The following MARCHF1 variants were observed in gnomAD, a reference collection of about 807,000 sequenced individuals.
The protein encoded by MARCHF1 is membrane associated ring-CH-type finger 1.
In MARCHF1, 40 loss-of-function variants were observed where a neutral mutation model predicts 54.2. That is an observed-to-expected ratio of 0.74 (90% CI 0.57 to 0.96). The LOEUF is 0.96. Among genes scored for constraint, MARCHF1 ranks in the 40% least tolerant of loss-of-function variants. MARCHF1 has a pLI of 0.00. For missense variants in MARCHF1, 586 were observed against 656.5 expected (o/e 0.89, Z 1.17); for synonymous variants, 236 against 236.3 (o/e 1.00, Z 0.01).
At chr4:163,635,845 A>G (rs914656527) in intron 5 of MARCHF1, among the ~76,000 whole-genome samples, 5 of 152,230 alleles carry the variant, frequency 3.3e-5, no homozygotes, top group Non-Finnish European at 5.9e-5. Context: ...AAAATCCTCA[A>G]TAAAATACTG....
intron 4 of MARCHF1, among the ~76,000 whole-genome samples, chr4:163,708,974 A>G (rs111287460): frequency 1.3e-3 from 204 of 152,270 alleles, no homozygotes; most frequent in African/African-American, 4.7e-3. Flanking sequence ...TTCATGATAT[A>G]TTGTTAAGGT....
intron 4 of MARCHF1, among the ~76,000 whole-genome samples, chr4:163,759,142 G>T (rs927116187): frequency 6.7e-6 from 1 of 150,036 alleles, no homozygotes; most frequent in Non-Finnish European, 1.5e-5. Context: ...AATTATTCAT[G>T]CTGGTTTCTT....
At chr4:164,278,265 G>A (rs192940846) in intron 1 of MARCHF1, among the ~76,000 whole-genome samples, 13 of 152,228 alleles carry the variant, frequency 8.5e-5, no homozygotes, top group Admixed American at 7.2e-4. Context: ...AGCTGTGATC[G>A]CACCACTGCA....
Position 163,585,875 on chromosome 4 carries a change from G to A in MARCHF1, c.1065C>T (p.Cys355=). The change falls in exon 8 of 10, where the codon TGC becomes TGT. Residue 355 remains cysteine, a synonymous_variant. Transcript: ENST00000514618. ...EESPLITPCR[C]TGTLRFVHQS... ...GGTGGACAAAGCGCAGTGTCCCAGT[G>A]CAGCGACAGGGTGTGATGAGGGGGC... The A allele has an allele frequency of 6.2e-7, 1 of 1,613,834 alleles. No homozygotes were observed. The highest frequency in any genetic ancestry group is 8.5e-7 in the Non-Finnish European group (1 of 1,179,892).
At chr4:163,932,902 T>G (rs1751710604) in intron 3 of MARCHF1, 1 of 637,532 alleles carries the variant, frequency 1.6e-6, no homozygotes, top group Non-Finnish European at 3.0e-6. Context: ...TTCCAGTACT[T>G]TGCTGAAGCT....
rs961835049 is a variant in MARCHF1 at position 163,649,377 on chromosome 4, A to G, written c.163-35984T>C. Among the ~76,000 whole-genome samples the G allele has an allele frequency of 2.0e-5, 3 of 152,116 alleles. 1 individual carries two copies. In the South Asian group the frequency reaches 6.2e-4, roughly 31 times the overall value. ...ATGAAAGAGCAATTCATAGGCAGAG[A>G]GTTGTAAATCGAAACACATTGTACA... is the stretch of plus-strand genomic sequence containing the variant. On this transcript the variant is annotated intron_variant, in intron 5 of 9. Coordinates refer to ENST00000514618, the MANE Select transcript of MARCHF1 (RefSeq NM_001394959.1).
chr4:163,528,553 C>T lies in MARCHF1; in HGVS notation c.*195G>A, dbSNP rs1738223197. On this transcript the variant is annotated 3_prime_UTR_variant, in exon 10 of 10. Coordinates refer to ENST00000514618, the MANE Select transcript of MARCHF1 (RefSeq NM_001394959.1). ...TTTCCATATCATACTTTACTTTACGCTATTACTTCATGGGCTCCTGGGCAT... is the reference window on the plus strand; with the variant it reads ...TTTCCATATCATACTTTACTTTACGTTATTACTTCATGGGCTCCTGGGCAT... 7.0e-6 allele frequency: 4 copies of T among 571,748 alleles called. No individual in the cohort carries two copies. In the Admixed American group the frequency reaches 9.7e-5, roughly 14 times the overall value. 35.4% of individuals were successfully genotyped at this position (571,748 alleles called of 1,614,324 possible).
At chr4:163,537,747 A>G (rs1040347051) in intron 9 of MARCHF1, among the ~76,000 whole-genome samples, 2 of 152,226 alleles carry the variant, frequency 1.3e-5, no homozygotes, top group African/African-American at 2.4e-5. Context: ...ATAGAAAGCT[A>G]CTGTAGTCTC....
At chr4:163,781,814 A>G (rs952913881) in intron 4 of MARCHF1, among the ~76,000 whole-genome samples, 2 of 152,224 alleles carry the variant, frequency 1.3e-5, no homozygotes, top group South Asian at 2.1e-4. Flanking sequence ...AAATGATTCC[A>G]AGTTTGGAAA....
At chr4:163,655,584 C>G (rs1323460199) in intron 5 of MARCHF1, among the ~76,000 whole-genome samples, 1 of 151,760 alleles carries the variant, frequency 6.6e-6, no homozygotes, top group African/African-American at 2.4e-5. Flanking sequence ...GACTCTCTAC[C>G]CAAAACAACA....
chr4:163,561,740 A>G (rs1739475251), intron 8 of MARCHF1, among the ~76,000 whole-genome samples: 1 of 152,006 alleles, frequency 6.6e-6, no homozygotes, highest in African/African-American at 2.4e-5. Context: ...TGTAGTTACT[A>G]TTTGTATTAT....
At chr4:164,027,244 A>G (rs1036391571) in intron 2 of MARCHF1, among the ~76,000 whole-genome samples, 4 of 151,558 alleles carry the variant, frequency 2.6e-5, no homozygotes, top group African/African-American at 9.7e-5. Context: ...ATTTAGAATT[A>G]CATTTGGAAG....
chr4:164,252,354 C>G (rs1017844563), intron 1 of MARCHF1, among the ~76,000 whole-genome samples: 6 of 139,092 alleles, frequency 4.3e-5, no homozygotes, highest in Non-Finnish European at 9.2e-5. Flanking sequence ...CAAAACAAAA[C>G]AAAGCAAAAA....
At chr4:164,285,636 G>A (rs1734126579) in intron 1 of MARCHF1, among the ~76,000 whole-genome samples, 1 of 151,364 alleles carries the variant, frequency 6.6e-6, no homozygotes, top group Non-Finnish European at 1.5e-5. Context: ...TAGAGACGGG[G>A]TTTCACCGTG....
At chr4:164,167,131 A>ACAAT (rs913338988) in intron 1 of MARCHF1, among the ~76,000 whole-genome samples, 16 of 151,874 alleles carry the variant, frequency 1.1e-4, no homozygotes, top group African/African-American at 3.9e-4. Flanking sequence ...ATTAAATGAG[A>ACAAT]CAATATATGT....
intron 4 of MARCHF1, among the ~76,000 whole-genome samples, chr4:163,846,488 G>A (rs1266689617): frequency 6.6e-6 from 1 of 152,106 alleles, no homozygotes; most frequent in South Asian, 2.1e-4. Flanking sequence ...GAATAACTCG[G>A]AAGAGAGTGA....
At chr4:163,584,789 G>A (rs907731359) in intron 8 of MARCHF1, 3 of 151,824 alleles carry the variant, frequency 2.0e-5, no homozygotes, top group African/African-American at 7.3e-5. Flanking sequence ...TCTGGAACTC[G>A]TTGTGTTTCT....
At chr4:164,056,661 T>C (rs755504786) in intron 2 of MARCHF1, among the ~76,000 whole-genome samples, 1 of 152,156 alleles carries the variant, frequency 6.6e-6, no homozygotes, top group African/African-American at 2.4e-5. Flanking sequence ...GCTTTAGGGA[T>C]TGTGACCAGC....
At chr4:164,206,999 A>C (rs1008175607) in intron 1 of MARCHF1, among the ~76,000 whole-genome samples, 9 of 152,170 alleles carry the variant, frequency 5.9e-5, no homozygotes, top group African/African-American at 2.2e-4. Context: ...TGATGATATA[A>C]TAGTAACAGG....
Sources: allele counts gnomAD v4.1 joint callset (sites outside exome capture counted in the v4.1 genomes callset), GRCh38; gene constraint gnomAD v4.1.1; transcripts MANE v1.5; gene names NCBI Gene and HGNC (gene_info 2026-07-23, HGNC 2026-07-21).